Variants in PTPRD observed in about 807,000 individuals in gnomAD.
The protein encoded by PTPRD is protein tyrosine phosphatase receptor type D.
Under a neutral mutation model 214.5 loss-of-function variants are expected in PTPRD, and 34 were observed. The observed-to-expected ratio is 0.16, with a 90% CI of 0.12 to 0.21. The LOEUF is 0.21. Ranked by LOEUF, PTPRD falls within the 10% of genes least tolerant of loss-of-function variation. PTPRD has a pLI of 1.00. For missense variants in PTPRD, 2,545 were observed against 2,398.7 expected, an observed-to-expected ratio of 1.06 and a Z score of -1.27; for synonymous variants, 1,128 against 845.7, an observed-to-expected ratio of 1.33 and a Z score of -5.79.
chr9:9,657,383 A>G (rs528975494), intron 7 of PTPRD, among the ~76,000 whole-genome samples: 13 of 152,244 alleles, frequency 8.5e-5, no homozygotes, highest in South Asian at 4.2e-4. Flanking sequence ...ATTCTCACTC[A>G]TAAGTGGGAG....
At chr9:8,421,493 T>C (rs950946841) in intron 35 of PTPRD, among the ~76,000 whole-genome samples, 1 of 152,116 alleles carries the variant, frequency 6.6e-6, no homozygotes, top group Admixed American at 6.6e-5. Context: ...GCTTTCATAA[T>C]AGCAGAAGAC....
chr9:9,918,584 C>A (rs1217812345), intron 5 of PTPRD, among the ~76,000 whole-genome samples: 2 of 151,976 alleles, frequency 1.3e-5, no homozygotes, highest in Non-Finnish European at 2.9e-5. Context: ...CAAAATACTT[C>A]AAGTAGCCAA....
At chr9:8,782,583 G>A (rs1422368603) in intron 11 of PTPRD, among the ~76,000 whole-genome samples, 2 of 144,996 alleles carry the variant, frequency 1.4e-5, no homozygotes, top group African/African-American at 5.1e-5. Context: ...CATGAAAACA[G>A]AAATACTTAA....
intron 2 of PTPRD, among the ~76,000 whole-genome samples, chr9:10,522,944 T>G (rs999042099): frequency 4.6e-5 from 7 of 152,196 alleles, no homozygotes; most frequent in Middle Eastern, 3.4e-3. Context: ...ATCATAATTT[T>G]TATTAATGTT....
chr9:8,342,627 C>T (rs1057276377), intron 39 of PTPRD, among the ~76,000 whole-genome samples: 1 of 151,998 alleles, frequency 6.6e-6, no homozygotes, highest in Non-Finnish European at 1.5e-5. Flanking sequence ...CAACAGACAG[C>T]CTCCTTCATT....
chr9:9,715,821 TAATC>T (rs1362466033), intron 7 of PTPRD, among the ~76,000 whole-genome samples: 2 of 152,194 alleles, frequency 1.3e-5, no homozygotes, highest in Non-Finnish European at 2.9e-5. Context: ...ACCCCTTTAA[TAATC>T]AAACTGTTGC....
intron 11 of PTPRD, among the ~76,000 whole-genome samples, chr9:8,831,700 G>A (rs1157324110): frequency 1.3e-5 from 2 of 152,076 alleles, no homozygotes; most frequent in African/African-American, 4.8e-5. Flanking sequence ...GTCTCTTTCA[G>A]CCACAGTTAG....
chr9:9,680,562 T>G lies in PTPRD; in HGVS notation c.-287+53971A>C, dbSNP rs190877732. Among the ~76,000 whole-genome samples, 504 of 151,892 alleles carry G rather than the reference T, an allele frequency of 3.3e-3. 2 individuals are homozygous for G. Among genetic ancestry groups the G allele is most frequent in the African/African-American group, 0.011 (475 of 41,476 alleles). On this transcript the variant is annotated intron_variant, in intron 7 of 45. Transcript: ENST00000381196. ...TACTTAACAGAGGTTTATCACAAAA[T>G]TGTTGAAACTTAAAGAAAGGCTAAG...
chr9:9,838,424 G>T (rs1160232149), intron 5 of PTPRD, among the ~76,000 whole-genome samples: 1 of 152,094 alleles, frequency 6.6e-6, no homozygotes, highest in Non-Finnish European at 1.5e-5. Flanking sequence ...ATCCTCTCCA[G>T]CACCTGTTGT....
intron 9 of PTPRD, among the ~76,000 whole-genome samples, chr9:9,291,940 G>C (rs546760561): frequency 1.3e-5 from 2 of 149,794 alleles, no homozygotes; most frequent in Admixed American, 6.7e-5. Flanking sequence ...TAAATTTCTT[G>C]ATTTTTAAAT....
intron 4 of PTPRD, among the ~76,000 whole-genome samples, chr9:9,984,886 C>G (rs2095657173): frequency 6.6e-6 from 1 of 152,092 alleles, no homozygotes; most frequent in African/African-American, 2.4e-5. Context: ...CACTCCTGAC[C>G]AACCATGCAC....
At chr9:8,960,117 C>G (rs769092108) in intron 11 of PTPRD, among the ~76,000 whole-genome samples, 4 of 152,006 alleles carry the variant, frequency 2.6e-5, no homozygotes, top group Non-Finnish European at 5.9e-5. Context: ...GCTGTGTCAC[C>G]TGGGACAAGT....
chr9:10,143,313 C>G (rs2099000261), intron 3 of PTPRD, among the ~76,000 whole-genome samples: 1 of 138,902 alleles, frequency 7.2e-6, no homozygotes, highest in Non-Finnish European at 1.6e-5. Context: ...AAAATAAATG[C>G]TCATTATCAC....
chr9:8,422,745 G>A (rs1396034103), intron 35 of PTPRD, among the ~76,000 whole-genome samples: 1 of 152,104 alleles, frequency 6.6e-6, no homozygotes, highest in East Asian at 1.9e-4. Context: ...AACAAAAATG[G>A]AAATCAATGC....
intron 5 of PTPRD, among the ~76,000 whole-genome samples, chr9:9,891,140 G>C (rs1040799882): frequency 2.6e-5 from 4 of 152,110 alleles, no homozygotes; most frequent in African/African-American, 9.7e-5. Flanking sequence ...ATGTAGACGG[G>C]ATTGTAGTCA....
At chr9:9,292,187 T>C (rs1339288105) in intron 9 of PTPRD, among the ~76,000 whole-genome samples, 1 of 151,320 alleles carries the variant, frequency 6.6e-6, no homozygotes, top group Non-Finnish European at 1.5e-5. Context: ...GAACACTTTT[T>C]TTTTTCTTTC....
chr9:9,558,294 T>C (rs888453063), intron 8 of PTPRD, among the ~76,000 whole-genome samples: 2 of 152,156 alleles, frequency 1.3e-5, no homozygotes, highest in Non-Finnish European at 2.9e-5. Flanking sequence ...GGCTACATGG[T>C]TGTGATAACA....
At chr9:9,073,489 A>G (rs1463151147) in intron 10 of PTPRD, among the ~76,000 whole-genome samples, 1 of 152,182 alleles carries the variant, frequency 6.6e-6, no homozygotes, top group Non-Finnish European at 1.5e-5. Context: ...TGCGATTAAC[A>G]TTTACCACCA....
chr9:8,464,865 A>G (rs953045514), intron 32 of PTPRD, among the ~76,000 whole-genome samples: 4 of 151,954 alleles, frequency 2.6e-5, no homozygotes, highest in South Asian at 2.1e-4. Flanking sequence ...CTTTTCACTG[A>G]TACAGTCACT....
Sources: gnomAD v4.1 joint callset for allele counts (sites outside exome capture counted in the v4.1 genomes callset) on GRCh38, gnomAD v4.1.1 for gene constraint, MANE v1.5 for transcripts, NCBI Gene and HGNC (gene_info 2026-07-23, HGNC 2026-07-21) for gene names.